The following RAD51B variants were observed in gnomAD, a reference collection of about 807,000 sequenced individuals.
RAD51B encodes the protein RAD51 paralog B, also known as DNA repair protein RAD51 homolog 2.
Under a neutral mutation model 42.2 loss-of-function variants are expected in RAD51B, and 38 were observed. The observed-to-expected ratio is 0.90, with a 90% CI of 0.70 to 1.18. RAD51B has a LOEUF of 1.18. RAD51B is among the 50% of genes most tolerant of loss of function. The pLI is 0.00. For synonymous variants in RAD51B, 154 were observed against 145.2 expected (o/e 1.06, Z -0.43); for missense variants, 373 against 400.7 (o/e 0.93, Z 0.59).
chr14:68,469,172 T>C (rs1271394647), intron 10 of RAD51B: 3 of 487,652 alleles, frequency 6.2e-6, no homozygotes, highest in Non-Finnish European at 1.3e-5. Flanking sequence ...CTGCTGTCCA[T>C]GGGAGAAGTC....
intron 8 of RAD51B, among the ~76,000 whole-genome samples, chr14:68,297,721 A>G (rs1042892942): frequency 2.6e-5 from 4 of 152,220 alleles, no homozygotes. Flanking sequence ...CATTATTAAC[A>G]TTAGCTTTTC....
intron 7 of RAD51B, among the ~76,000 whole-genome samples, chr14:68,165,549 A>G (rs1462278667): frequency 1.3e-5 from 2 of 152,024 alleles, no homozygotes; most frequent in Non-Finnish European, 2.9e-5. Context: ...CAGAAGTACT[A>G]TTTATTTTTG....
At position 68,562,077 on chromosome 14, in the gene RAD51B, A is replaced by G. The variant is rs570404262; in HGVS notation, c.1037-32408A>G. 4.0e-4 allele frequency: 395 copies of G among 985,410 alleles called. No individual in the cohort carries two copies. The African/African-American group carries it at 6.5e-3, about 16-fold the overall frequency. 61.0% of individuals were successfully genotyped at this position (985,410 alleles called of 1,614,324 possible). On this transcript the variant is annotated intron_variant, in intron 10 of 10. Coordinates refer to the RAD51B transcript ENST00000487270. ...ACCACATGAATAATTTGGAGAGTCC[A>G]TAACTGTCCTAGAAAGCTTTTGGTT...
chr14:68,362,676 C>T (rs1250482380), intron 8 of RAD51B, among the ~76,000 whole-genome samples: 4 of 152,086 alleles, frequency 2.6e-5, no homozygotes, highest in Non-Finnish European at 5.9e-5. Flanking sequence ...GGTGAAACCC[C>T]GTCTCTACTA....
At chr14:68,401,540 A>G (rs1358951476) in intron 8 of RAD51B, among the ~76,000 whole-genome samples, 1 of 151,862 alleles carries the variant, frequency 6.6e-6, no homozygotes, top group African/African-American at 2.4e-5. Flanking sequence ...CACATTTCTT[A>G]CCTTTCTCAG....
At chr14:67,983,044 G>A (rs10131828) in intron 7 of RAD51B, among the ~76,000 whole-genome samples, 10,460 of 152,076 alleles carry the variant, frequency 0.069, 873 homozygotes, top group African/African-American at 0.2. Context: ...CCTGGGTGAC[G>A]GAGGGAGAAA....
chr14:68,352,044 C>G lies in RAD51B; in HGVS notation c.854-59380C>G, dbSNP rs535970724. On this transcript the variant is annotated intron_variant, in intron 8 of 10. Coordinates refer to ENST00000471583, the MANE Select transcript of RAD51B (RefSeq NM_133510.4). ...CTTGGCAACACTGAGTTTGATGCACCTTTGAGATACTAAGGAGACATACCA... is the reference window on the plus strand; with the variant it reads ...CTTGGCAACACTGAGTTTGATGCACGTTTGAGATACTAAGGAGACATACCA... 2.6e-5 allele frequency among the ~76,000 whole-genome samples: 4 copies of G among 152,206 alleles called. No individual in the cohort carries two copies. The South Asian group carries it at 8.3e-4, about 32-fold the overall frequency.
At chr14:68,153,682 T>C (rs1191622132) in intron 7 of RAD51B, among the ~76,000 whole-genome samples, 1 of 152,210 alleles carries the variant, frequency 6.6e-6, no homozygotes, top group Non-Finnish European at 1.5e-5. Flanking sequence ...GGTTGTTTTT[T>C]TCTTGTAAAT....
At chr14:67,828,217 G>A (rs2040899668) in intron 3 of RAD51B, among the ~76,000 whole-genome samples, 1 of 151,968 alleles carries the variant, frequency 6.6e-6, no homozygotes, top group Admixed American at 6.6e-5. Context: ...TTGTGATTTT[G>A]ATGTGCATTT....
chr14:68,518,449 G>A (rs1018763746), intron 10 of RAD51B, among the ~76,000 whole-genome samples: 2 of 152,092 alleles, frequency 1.3e-5, no homozygotes, highest in African/African-American at 2.4e-5. Flanking sequence ...ACATCTGTTC[G>A]CCTAGTCGGG....
chr14:68,642,980 T>C (rs181498420), intron 10 of RAD51B, among the ~76,000 whole-genome samples: 1 of 125,464 alleles, frequency 8.0e-6, no homozygotes, highest in East Asian at 1.9e-4. Flanking sequence ...ATTTCTATTA[T>C]TTTAAATATG....
At chr14:67,880,010 C>T (rs2042855990) in intron 5 of RAD51B, among the ~76,000 whole-genome samples, 1 of 152,140 alleles carries the variant, frequency 6.6e-6, no homozygotes. Flanking sequence ...TTTACCTATG[C>T]ATGATTTTGT....
At chr14:68,604,116 C>T (rs142303194) in intron 10 of RAD51B, among the ~76,000 whole-genome samples, 12 of 152,336 alleles carry the variant, frequency 7.9e-5, no homozygotes, top group South Asian at 2.1e-4. Flanking sequence ...GCCTGAGAAG[C>T]GCAGACGTCT....
At chr14:68,173,953 C>T (rs974872529) in intron 7 of RAD51B, among the ~76,000 whole-genome samples, 7 of 152,184 alleles carry the variant, frequency 4.6e-5, no homozygotes, top group Admixed American at 2.0e-4. Context: ...ACTTACTCTG[C>T]AGGGCATCTT....
intron 7 of RAD51B, among the ~76,000 whole-genome samples, chr14:68,225,557 C>T (rs889396869): frequency 7.9e-5 from 12 of 152,070 alleles, no homozygotes; most frequent in African/African-American, 2.7e-4. Flanking sequence ...CTTGCTGGTC[C>T]GTATTTAGAA....
At chr14:67,844,977 A>G (rs908617894) in intron 4 of RAD51B, among the ~76,000 whole-genome samples, 17 of 151,850 alleles carry the variant, frequency 1.1e-4, no homozygotes, top group African/African-American at 4.1e-4. Flanking sequence ...CTATCCCTTT[A>G]TTTTGAGCTT....
intron 7 of RAD51B, among the ~76,000 whole-genome samples, chr14:68,045,448 T>C (rs1350902505): frequency 1.3e-5 from 2 of 152,110 alleles, no homozygotes; most frequent in African/African-American, 4.8e-5. Context: ...AATTTTTGAA[T>C]GTGAGGGCAG....
At chr14:67,867,214 G>C (rs145961742) in intron 5 of RAD51B, among the ~76,000 whole-genome samples, 263 of 152,288 alleles carry the variant, frequency 1.7e-3, no homozygotes, top group African/African-American at 6.1e-3. Context: ...TTCTGTTACA[G>C]GACAGCTTAA....
At chr14:68,208,157 GT>G (rs1419649969) in intron 7 of RAD51B, among the ~76,000 whole-genome samples, 2 of 151,640 alleles carry the variant, frequency 1.3e-5, no homozygotes, top group Non-Finnish European at 2.9e-5. Context: ...CCCCCAAGAG[GT>G]TTCTTAAAAT....
Sources: allele counts gnomAD v4.1 joint callset (sites outside exome capture counted in the v4.1 genomes callset), GRCh38; gene constraint gnomAD v4.1.1; transcripts MANE v1.5; gene names NCBI Gene and HGNC (gene_info 2026-07-23, HGNC 2026-07-21).